The following GTPBP4 variants were observed in gnomAD, a reference collection of about 807,000 sequenced individuals.
GTPBP4 encodes GTP binding protein 4, also known as GTP-binding protein 4.
A neutral mutation model predicts 81.7 loss-of-function variants in GTPBP4; 15 were observed. That is an observed-to-expected ratio of 0.18 (90% CI 0.12 to 0.28). The LOEUF is 0.28. Among genes scored for constraint, GTPBP4 ranks in the 10% least tolerant of loss-of-function variants. GTPBP4 has a pLI of 1.00. For missense variants in GTPBP4, 847 were observed against 793.8 expected (o/e 1.07, Z -0.81); for synonymous variants, 272 against 274.6 (o/e 0.99, Z 0.09).
Position 1,009,514 on chromosome 10 carries a change from C to A in GTPBP4, c.1192-15C>A, listed in dbSNP as rs761017983. The A allele has an allele frequency of 1.3e-6, 2 of 1,584,326 alleles. No homozygotes were observed. Among genetic ancestry groups the A allele is most frequent in the East Asian group, 2.2e-5 (1 of 44,738 alleles). ...GGCAAAATGAAGCTGATGATAATTT[C>A]TCTTTCTATTGCAGGAACGAGATCT... On this transcript the variant is annotated splice_polypyrimidine_tract_variant and intron_variant, in intron 11 of 16. Transcript: ENST00000360803.
At chr10:1,004,377 C>T (rs558845959) in intron 8 of GTPBP4, among the ~76,000 whole-genome samples, 1 of 152,194 alleles carries the variant, frequency 6.6e-6, no homozygotes, top group South Asian at 2.1e-4. Context: ...CTCCAGGGAG[C>T]AGGTGCTGGA....
In GTPBP4 at chr10:999,065, G is replaced by T; in HGVS notation, c.624G>T (p.Gly208=). 6.2e-7 allele frequency: 1 copy of T among 1,600,074 alleles called. No individual in the cohort carries two copies. The highest frequency in any genetic ancestry group is 8.6e-7 in the Non-Finnish European group (1 of 1,167,268). The change falls in exon 6 of 17, where the codon GGG becomes GGT. Residue 208 remains glycine (G), a synonymous_variant. Coordinates refer to ENST00000360803, the MANE Select transcript of GTPBP4 (RefSeq NM_012341.3). ...YAFTTKSLFV[G]HMDYKYLRWQ... ...TCACAACCAAGTCTCTGTTTGTTGG[G>T]CACATGGATTATAAGTATCTACGTT... is the stretch of plus-strand genomic sequence containing the variant.
intron 16 of GTPBP4, 94 bp downstream of exon 16, chr10:1,015,990 G>C: frequency 8.8e-7 from 1 of 1,136,694 alleles, no homozygotes. Context: ...CCATTTGCAG[G>C]AACTATGGCA....
Position 1,010,483 on chromosome 10 carries a change from A to G in GTPBP4, c.1307A>G (p.His436Arg), listed in dbSNP as rs1831833785. 1.3e-6 allele frequency: 2 copies of G among 1,573,434 alleles called. No homozygotes were observed. The highest frequency in any genetic ancestry group is 1.8e-6 in the Non-Finnish European group (2 of 1,142,744). The change falls in exon 13 of 17, where the codon CAT becomes CGT. Residue 436 changes from histidine to arginine, a missense_variant. Transcript: ENST00000360803. ...HDKIPEIWEG[H>R]NIADYIDPAI... is the part of the protein sequence containing the mutation. ...AAGATACCAGAAATCTGGGAAGGCCATAATATAGCTGATTATATTGATCCA... is the reference window on the plus strand; with the variant it reads ...AAGATACCAGAAATCTGGGAAGGCCGTAATATAGCTGATTATATTGATCCA...
Position 1,015,362 on chromosome 10 carries a change from C to T in GTPBP4, c.1609-391C>T, listed in dbSNP as rs533957031. Among the ~76,000 whole-genome samples the T allele has an allele frequency of 1.7e-3, 248 of 148,360 alleles. 2 individuals carry two copies. Among genetic ancestry groups the T allele is most frequent in the African/African-American group, 5.9e-3 (229 of 38,988 alleles). On this transcript the variant is annotated intron_variant, in intron 15 of 16. Transcript: ENST00000360803. ...TCATGCCTGTCGCTGAGCCTGGGTGCGGGGCTGGGGTCCTGAGCTCTGAGC... is the reference window on the plus strand; with the variant it reads ...TCATGCCTGTCGCTGAGCCTGGGTGTGGGGCTGGGGTCCTGAGCTCTGAGC...
At chr10:1,008,280 C>T in intron 10 of GTPBP4, 2 of 386,448 alleles carry the variant, frequency 5.2e-6, no homozygotes, top group Non-Finnish European at 1.0e-5. Flanking sequence ...GGGCGCGCAC[C>T]TATAATTCTA....
chr10:1,014,977 G>A (rs979047553), intron 15 of GTPBP4, among the ~76,000 whole-genome samples: 8 of 152,122 alleles, frequency 5.3e-5, no homozygotes, highest in African/African-American at 1.7e-4. Context: ...TGCAGTTTCC[G>A]TCTGATGGTT....
chr10:992,718 T>C, intron 2 of GTPBP4, 59 bp downstream of exon 2: 2 of 1,014,358 alleles, frequency 2.0e-6, no homozygotes, highest in Non-Finnish European at 3.0e-6. Flanking sequence ...AGAACCAGTG[T>C]TTAACCAGTT....
chr10:1,005,591 A>G (rs1441824410), intron 8 of GTPBP4, among the ~76,000 whole-genome samples: 1 of 152,196 alleles, frequency 6.6e-6, no homozygotes, highest in Non-Finnish European at 1.5e-5. Flanking sequence ...TGTGGGGGAC[A>G]GATGTGAGGG....
intron 1 of GTPBP4, among the ~76,000 whole-genome samples, chr10:991,643 G>C (rs1589021686): frequency 6.9e-6 from 1 of 144,550 alleles, no homozygotes; most frequent in Non-Finnish European, 1.5e-5. Flanking sequence ...GTTCTTAGGT[G>C]TTTGGAAATT....
chr10:1,002,279 A>G (rs1258957521), intron 8 of GTPBP4, among the ~76,000 whole-genome samples: 1 of 152,144 alleles, frequency 6.6e-6, no homozygotes, highest in Non-Finnish European at 1.5e-5. Flanking sequence ...GATCTGTCTA[A>G]TGTTGCGAGT....
intron 8 of GTPBP4, among the ~76,000 whole-genome samples, chr10:1,003,660 A>T (rs1831678118): frequency 6.6e-6 from 1 of 152,182 alleles, no homozygotes; most frequent in Admixed American, 6.5e-5. Context: ...CCTCACCTCC[A>T]TGAAATGTTG....
chr10:989,325 A>G (rs996426632), intron 1 of GTPBP4, among the ~76,000 whole-genome samples: 1 of 151,994 alleles, frequency 6.6e-6, no homozygotes, highest in African/African-American at 2.4e-5. Context: ...ACGTTGGCCA[A>G]GCTGGCCTCG....
At chr10:1,005,789 C>T in intron 8 of GTPBP4, 29 bp from the exon 9 acceptor site, 1 of 1,223,498 alleles carries the variant, frequency 8.2e-7, no homozygotes, top group African/African-American at 1.5e-5. Flanking sequence ...ATGAATAATA[C>T]ATCTCTCGTT....
At chr10:1,007,935 A>G (rs1831776913) in intron 10 of GTPBP4, 2 of 517,784 alleles carry the variant, frequency 3.9e-6, no homozygotes, top group African/African-American at 3.9e-5. Flanking sequence ...TTACTTTTGT[A>G]TTACAAAGGT....
intron 4 of GTPBP4, 124 bp from the exon 5 acceptor site, chr10:997,084 C>T: frequency 2.9e-6 from 2 of 697,172 alleles, no homozygotes; most frequent in South Asian, 1.7e-5. Flanking sequence ...ATCACTTTTG[C>T]ATTACAAAAG....
chr10:996,313 A>G lies in GTPBP4; in HGVS notation c.460+71A>G, dbSNP rs566254483. ...AGGATGCGTCCTTGTTGAGGACTTG[A>G]GATGTCTGTTTTTCTTGTATTTTGG... is the stretch of plus-strand genomic sequence containing the variant. On this transcript the variant is annotated intron_variant, in intron 4 of 16. Coordinates refer to ENST00000360803, the MANE Select transcript of GTPBP4 (RefSeq NM_012341.3). 21 of 1,364,088 alleles carry G rather than the reference A, an allele frequency of 1.5e-5. No homozygotes were observed. The South Asian group carries it at 2.8e-4, about 18-fold the overall frequency. 84.5% of individuals were successfully genotyped at this position (1,364,088 alleles called of 1,614,324 possible). A position where few individuals can be genotyped will look rare whatever the true frequency, so the allele number is the denominator to read the frequency against.
intron 2 of GTPBP4, among the ~76,000 whole-genome samples, chr10:995,510 AG>A (rs1375064940): frequency 1.5e-5 from 2 of 135,452 alleles, no homozygotes; most frequent in African/African-American, 2.8e-5. Flanking sequence ...GAGCAAAGAG[AG>A]GGAATTGGAA....
At chr10:1,008,402 TC>T in intron 10 of GTPBP4, 1 of 348,386 alleles carries the variant, frequency 2.9e-6, no homozygotes, top group Admixed American at 3.9e-5. Flanking sequence ...TGAGACTCTG[TC>T]AAAAAAAAAA....
Sources: allele counts gnomAD v4.1 joint callset (sites outside exome capture counted in the v4.1 genomes callset), GRCh38; gene constraint gnomAD v4.1.1; transcripts MANE v1.5; gene names NCBI Gene and HGNC (gene_info 2026-07-23, HGNC 2026-07-21).